The following NUMB variants were observed in gnomAD, a reference collection of about 807,000 sequenced individuals.
NUMB encodes the protein protein numb homolog.
Under a neutral mutation model 59.7 loss-of-function variants are expected in NUMB, and 29 were observed. The ratio of observed to expected loss-of-function variants is 0.49; its 90% CI spans 0.36 to 0.66. NUMB has a LOEUF of 0.66. Ranked by LOEUF, NUMB falls within the 30% of genes least tolerant of loss-of-function variation. The pLI, the probability that NUMB is intolerant of heterozygous loss-of-function variation, is 0.00. For synonymous variants in NUMB, 288 were observed against 288.2 expected (o/e 1.00, Z 0.01); for missense variants, 723 against 822.0 (o/e 0.88, Z 1.47).
intron 4 of NUMB, among the ~76,000 whole-genome samples, chr14:73,324,536 G>A (rs1891566420): frequency 1.3e-5 from 2 of 152,034 alleles, no homozygotes; most frequent in Admixed American, 6.6e-5. Context: ...TGTTTGGCTT[G>A]AATATGAAAT....
intron 5 of NUMB, among the ~76,000 whole-genome samples, chr14:73,317,358 G>A (rs890853706): frequency 2.0e-5 from 3 of 152,218 alleles, no homozygotes; most frequent in Non-Finnish European, 2.9e-5. Flanking sequence ...ATGGAGTGCA[G>A]TGGCACGATC....
At chr14:73,328,294 AT>A (rs1263485087) in intron 4 of NUMB, among the ~76,000 whole-genome samples, 1 of 151,564 alleles carries the variant, frequency 6.6e-6, no homozygotes, top group Admixed American at 6.6e-5. Flanking sequence ...AAAAAGTCAT[AT>A]AAATGGAATC....
intron 2 of NUMB, among the ~76,000 whole-genome samples, chr14:73,389,612 A>G (rs561769335): frequency 5.9e-5 from 9 of 152,290 alleles, no homozygotes; most frequent in African/African-American, 1.7e-4. Flanking sequence ...ATGAACCTCC[A>G]AAGTGCTGGG....
intron 4 of NUMB, among the ~76,000 whole-genome samples, chr14:73,343,422 T>C (rs1892743798): frequency 6.6e-6 from 1 of 152,216 alleles, no homozygotes; most frequent in Non-Finnish European, 1.5e-5. Flanking sequence ...TATGATATAG[T>C]AACTACGGTT....
chr14:73,388,802 T>TA (rs1895681631), intron 2 of NUMB, among the ~76,000 whole-genome samples: 3 of 151,312 alleles, frequency 2.0e-5, no homozygotes, highest in Non-Finnish European at 4.4e-5. Context: ...CCGTCTCTAA[T>TA]AAAAAATACA....
In NUMB at chr14:73,277,138, C is replaced by G; in HGVS notation, c.1396G>C (p.Val466Leu). 6.2e-7 allele frequency: 1 copy of G among 1,613,964 alleles called. No individual in the cohort carries two copies. The highest frequency in any genetic ancestry group is 8.5e-7 in the Non-Finnish European group (1 of 1,179,992). Residue 466 changes from valine (V) to leucine (L), a missense_variant, in exon 13 of 13, where the codon GTT becomes CTT. Around this residue, in one of 2 missense-constraint regions of NUMB, gnomAD observed 406 missense variants for 385.4 expected, o/e 1.05. Coordinates refer to ENST00000555238, the MANE Select transcript of NUMB (RefSeq NM_001005743.2). ...GCAGTGGGTGGAGGAGGCTGGAGAA[C>G]TGGCTGCAGAGGAGCAGCTGAGGCC... ...PQASAAPLQP[V>L]LQPPPPTAIS...
At chr14:73,280,797 A>G (rs1278439715) in intron 11 of NUMB, among the ~76,000 whole-genome samples, 4 of 147,356 alleles carry the variant, frequency 2.7e-5, no homozygotes, top group Non-Finnish European at 4.4e-5. Context: ...AGGTTCAAGC[A>G]ATTCTCCTGC....
intron 1 of NUMB, among the ~76,000 whole-genome samples, chr14:73,419,242 G>A (rs1386432284): frequency 6.6e-6 from 1 of 152,206 alleles, no homozygotes; most frequent in Admixed American, 6.5e-5. Flanking sequence ...TGGGCGCGGT[G>A]GCTCACGCCT....
At chr14:73,396,959 C>A (rs1896166852) in intron 2 of NUMB, among the ~76,000 whole-genome samples, 1 of 151,980 alleles carries the variant, frequency 6.6e-6, no homozygotes, top group African/African-American at 2.4e-5. Context: ...CCTGTCTCTA[C>A]TAAAAATACA....
chr14:73,404,059 A>G (rs965788431), intron 2 of NUMB, among the ~76,000 whole-genome samples: 1 of 148,900 alleles, frequency 6.7e-6, no homozygotes, highest in Non-Finnish European at 1.5e-5. Context: ...CCTGAGCGAC[A>G]GAGCAAGACT....
At chr14:73,362,837 G>C (rs1039116564) in intron 3 of NUMB, among the ~76,000 whole-genome samples, 5 of 152,084 alleles carry the variant, frequency 3.3e-5, no homozygotes, top group African/African-American at 1.2e-4. Context: ...TCAAAAAGTG[G>C]AGAAAAGGCC....
intron 1 of NUMB, among the ~76,000 whole-genome samples, chr14:73,434,708 A>T (rs1382234343): frequency 6.6e-6 from 1 of 151,310 alleles, no homozygotes; most frequent in East Asian, 1.9e-4. Flanking sequence ...TTTATTTTTA[A>T]ATTTTGTAAT....
intron 1 of NUMB, among the ~76,000 whole-genome samples, chr14:73,421,305 C>T (rs1333969192): frequency 1.3e-5 from 2 of 152,182 alleles, no homozygotes; most frequent in Non-Finnish European, 2.9e-5. Flanking sequence ...CTGCCTCAGC[C>T]TCCCGAGTAT....
At chr14:73,407,818 T>C (rs1422829488) in intron 2 of NUMB, among the ~76,000 whole-genome samples, 1 of 152,212 alleles carries the variant, frequency 6.6e-6, no homozygotes, top group African/African-American at 2.4e-5. Context: ...ATATTTTCCA[T>C]CACATCCAGA....
At position 73,275,712 on chromosome 14, in the gene NUMB, A is replaced by T. The variant is rs1294697881; in HGVS notation, c.*866T>A. ...GGACAATACTGCTTTTCCTTTATTT[A>T]AAAAAAACTACAACCTAGTGACTGT... On this transcript the variant is annotated 3_prime_UTR_variant, in exon 13 of 13. Transcript: ENST00000555238. 6.6e-6 allele frequency: 1 copy of T among 152,362 alleles called. No homozygotes were observed. The allele number at this position is 152,362 out of a possible 1,614,324, so 9.4% of individuals were successfully genotyped here. A position where few individuals can be genotyped will look rare whatever the true frequency, so the allele number is the denominator to read the frequency against.
intron 1 of NUMB, among the ~76,000 whole-genome samples, chr14:73,435,869 T>A (rs1898031587): frequency 1.3e-5 from 2 of 151,658 alleles, no homozygotes; most frequent in Admixed American, 1.3e-4. Context: ...TAGCAGGGCA[T>A]GGTAGTGCAC....
intron 2 of NUMB, among the ~76,000 whole-genome samples, chr14:73,402,253 T>A (rs1896454148): frequency 6.6e-6 from 1 of 152,208 alleles, no homozygotes; most frequent in South Asian, 2.1e-4. Flanking sequence ...AGAAAAATAC[T>A]ACTAATCAAC....
intron 1 of NUMB, among the ~76,000 whole-genome samples, chr14:73,443,459 G>A (rs1377989267): frequency 6.6e-6 from 1 of 152,010 alleles, no homozygotes; most frequent in Non-Finnish European, 1.5e-5. Context: ...GCCAGGCGTG[G>A]TGGCGCACGC....
At chr14:73,418,706 G>A (rs1299598703) in intron 1 of NUMB, among the ~76,000 whole-genome samples, 1 of 152,028 alleles carries the variant, frequency 6.6e-6, no homozygotes, top group African/African-American at 2.4e-5. Flanking sequence ...GGGAGGCGGA[G>A]GTTGCAGTGA....
Sources: allele counts gnomAD v4.1 joint callset (sites outside exome capture counted in the v4.1 genomes callset), GRCh38; gene constraint gnomAD v4.1.1; regional missense constraint gnomAD v4.1.1; transcripts MANE v1.5; gene names NCBI Gene and HGNC (gene_info 2026-07-23, HGNC 2026-07-21).